The following SHANK2 variants were observed in gnomAD, a reference collection of about 807,000 sequenced individuals.
SHANK2 encodes SH3 and multiple ankyrin repeat domains protein 2.
Under a neutral mutation model 133.7 loss-of-function variants are expected in SHANK2, and 43 were observed. The ratio of observed to expected loss-of-function variants is 0.32; its 90% CI spans 0.25 to 0.41. SHANK2 has a LOEUF of 0.41. Among genes scored for constraint, SHANK2 ranks in the 10% least tolerant of loss-of-function variants. The pLI is 1.00. For missense variants in SHANK2, 1,994 were observed against 2,235.8 expected (o/e 0.89, Z 2.18); for synonymous variants, 1,017 against 952.8 (o/e 1.07, Z -1.24).
At chr11:70,744,710 G>A (rs782299060) in intron 14 of SHANK2, among the ~76,000 whole-genome samples, 2 of 152,212 alleles carry the variant, frequency 1.3e-5, no homozygotes, top group Non-Finnish European at 1.5e-5. Flanking sequence ...CAAGCACTAG[G>A]ACATCGCACA....
At chr11:71,089,369 G>A (rs1256673944) in intron 8 of SHANK2, among the ~76,000 whole-genome samples, 2 of 152,180 alleles carry the variant, frequency 1.3e-5, no homozygotes, top group Middle Eastern at 3.2e-3. Context: ...CCAGTGCCCA[G>A]AAATACAGAA....
chr11:70,953,168 G>A (rs1950869953), intron 10 of SHANK2, among the ~76,000 whole-genome samples: 1 of 152,108 alleles, frequency 6.6e-6, no homozygotes. Flanking sequence ...CAGTGTGGTG[G>A]TGTTGGGAGC....
chr11:71,106,163 T>C (rs1270534662), intron 6 of SHANK2, among the ~76,000 whole-genome samples: 1 of 152,220 alleles, frequency 6.6e-6, no homozygotes, highest in Non-Finnish European at 1.5e-5. Context: ...CTCTGCTCAT[T>C]TCACAAAAGG....
In SHANK2 at chr11:70,698,968, T is replaced by C. The variant is rs185618835; in HGVS notation, c.1778-205A>G. Reference sequence around the variant, plus strand: ...GGGGAATGCATGTGCACCTCAATGCTGGCTACTGAAGAGTCAGGAGCACTA... The same window carrying C: ...GGGGAATGCATGTGCACCTCAATGCCGGCTACTGAAGAGTCAGGAGCACTA... On this transcript the variant is annotated intron_variant, in intron 14 of 25. Coordinates refer to ENST00000601538, the MANE Select transcript of SHANK2 (RefSeq NM_012309.5). Among the ~76,000 whole-genome samples, 781 of 152,260 alleles carry C rather than the reference T, an allele frequency of 5.1e-3. 6 individuals are homozygous for C. The highest frequency in any genetic ancestry group is 0.018 in the African/African-American group (747 of 41,558).
chr11:71,109,798 G>A, intron 6 of SHANK2, 143 bp downstream of exon 6: 1 of 669,364 alleles, frequency 1.5e-6, no homozygotes, highest in South Asian at 1.6e-5. Flanking sequence ...AGAAGACAGA[G>A]GAGAGTGAGA....
At chr11:70,528,906 T>C (rs1014098443) in intron 17 of SHANK2, among the ~76,000 whole-genome samples, 1 of 152,102 alleles carries the variant, frequency 6.6e-6, no homozygotes, top group Non-Finnish European at 1.5e-5. Flanking sequence ...GCTCCCCTGT[T>C]TGAAGAAATA....
At chr11:70,492,061 C>T (rs781783497) in intron 22 of SHANK2, among the ~76,000 whole-genome samples, 16 of 152,188 alleles carry the variant, frequency 1.1e-4, no homozygotes, top group Non-Finnish European at 2.1e-4. Flanking sequence ...TCCATGTGCT[C>T]ACGGGTCCTC....
At chr11:70,799,417 G>T (rs1947994618) in intron 13 of SHANK2, among the ~76,000 whole-genome samples, 1 of 151,968 alleles carries the variant, frequency 6.6e-6, no homozygotes, top group Admixed American at 6.6e-5. Context: ...AAAAAAGAAA[G>T]AAAAAGAAAT....
At chr11:70,642,082 G>A (rs1056197339) in intron 17 of SHANK2, among the ~76,000 whole-genome samples, 1 of 152,228 alleles carries the variant, frequency 6.6e-6, no homozygotes, top group Non-Finnish European at 1.5e-5. Context: ...AGGGGCTGGG[G>A]TCACTGGCAT....
At chr11:70,865,509 C>T (rs968368483) in intron 11 of SHANK2, among the ~76,000 whole-genome samples, 3 of 152,130 alleles carry the variant, frequency 2.0e-5, no homozygotes, top group East Asian at 3.9e-4. Context: ...AGTCAGGTGC[C>T]GGAATGGCCA....
chr11:70,743,160 A>T (rs1208405652), intron 14 of SHANK2, among the ~76,000 whole-genome samples: 1 of 152,200 alleles, frequency 6.6e-6, no homozygotes, highest in Non-Finnish European at 1.5e-5. Flanking sequence ...CTGCAGAATG[A>T]TCGATAACAG....
intron 8 of SHANK2, among the ~76,000 whole-genome samples, chr11:71,079,547 T>G (rs1377972267): frequency 2.0e-5 from 3 of 151,580 alleles, no homozygotes; most frequent in Admixed American, 6.6e-5. Flanking sequence ...GATCACGAGG[T>G]CAGGAGATCG....
chr11:71,207,847 A>G (rs1338778743), intron 2 of SHANK2, among the ~76,000 whole-genome samples: 1 of 152,070 alleles, frequency 6.6e-6, no homozygotes, highest in Non-Finnish European at 1.5e-5. Context: ...GGAAGGTGGC[A>G]CACTCAGGGT....
At chr11:70,712,761 C>A (rs1478186489) in intron 14 of SHANK2, among the ~76,000 whole-genome samples, 2 of 152,228 alleles carry the variant, frequency 1.3e-5, no homozygotes, top group African/African-American at 4.8e-5. Flanking sequence ...CACCAACAGC[C>A]CTTTTCCTGG....
intron 9 of SHANK2, among the ~76,000 whole-genome samples, chr11:71,071,435 T>G (rs1037592219): frequency 2.6e-5 from 4 of 152,174 alleles, no homozygotes; most frequent in Non-Finnish European, 5.9e-5. Flanking sequence ...GGCTTATGCC[T>G]CTGATGATAT....
chr11:70,901,197 G>A (rs1950017892), intron 10 of SHANK2, among the ~76,000 whole-genome samples: 1 of 152,128 alleles, frequency 6.6e-6, no homozygotes, highest in African/African-American at 2.4e-5. Flanking sequence ...CAAGCCGTTT[G>A]GGTTCAAACT....
chr11:71,083,338 T>C (rs1951326841), intron 8 of SHANK2, among the ~76,000 whole-genome samples: 2 of 152,026 alleles, frequency 1.3e-5, no homozygotes. Context: ...ATGATGACAA[T>C]AATGATAGGG....
At chr11:71,123,068 T>C (rs1468337546) in intron 3 of SHANK2, among the ~76,000 whole-genome samples, 4 of 152,086 alleles carry the variant, frequency 2.6e-5, no homozygotes, top group Non-Finnish European at 4.4e-5. Context: ...CCTCCCTCCA[T>C]ACGTGATGGG....
chr11:71,109,874 G>T lies in SHANK2; in HGVS notation c.592+67C>A, dbSNP rs1951864915. 20 of 937,542 alleles carry T rather than the reference G, an allele frequency of 2.1e-5. 1 individual carries two copies. In the South Asian group the frequency reaches 2.2e-4, roughly 10 times the overall value. 58.1% of individuals were successfully genotyped at this position (937,542 alleles called of 1,614,324 possible). A position where few individuals can be genotyped will look rare whatever the true frequency, so the allele number is the denominator to read the frequency against. Reference sequence around the variant, plus strand: ...CTGCAGCGTTATTCACAGGTAGCCTGAGCAGTGGGCTGGCCTTCTCTACGC... The same window carrying T: ...CTGCAGCGTTATTCACAGGTAGCCTTAGCAGTGGGCTGGCCTTCTCTACGC... On this transcript the variant is annotated intron_variant, in intron 6 of 25. Coordinates refer to ENST00000601538, the MANE Select transcript of SHANK2 (RefSeq NM_012309.5).
Sources: gnomAD v4.1 joint callset for allele counts (sites outside exome capture counted in the v4.1 genomes callset) on GRCh38, gnomAD v4.1.1 for gene constraint, MANE v1.5 for transcripts, NCBI Gene and HGNC (gene_info 2026-07-23, HGNC 2026-07-21) for gene names.